Variants in USP3 observed in about 807,000 individuals in gnomAD.
USP3 encodes ubiquitin specific peptidase 3, also known as ubiquitin carboxyl-terminal hydrolase 3.
A neutral mutation model predicts 72.3 loss-of-function variants in USP3; 20 were observed. The observed-to-expected ratio is 0.28, with a 90% CI of 0.19 to 0.40. The LOEUF is 0.40. Ranked by LOEUF, USP3 falls within the 10% of genes least tolerant of loss-of-function variation. The probability of loss-of-function intolerance (pLI) is 1.00; values close to 1 mark genes in which losing one functional copy is unlikely to be tolerated. For synonymous variants in USP3, 222 were observed against 225.3 expected, an observed-to-expected ratio of 0.99 and a Z score of 0.13; for missense variants, 479 against 633.9, an observed-to-expected ratio of 0.76 and a Z score of 2.62.
intron 4 of USP3, among the ~76,000 whole-genome samples, chr15:63,554,280 C>T (rs1398916166): frequency 6.6e-6 from 1 of 152,172 alleles, no homozygotes; most frequent in Non-Finnish European, 1.5e-5. Context: ...ATCCTAGTTT[C>T]TTCCTTGCTT....
At chr15:63,586,443 C>T (rs941646529) in intron 11 of USP3, among the ~76,000 whole-genome samples, 2 of 152,220 alleles carry the variant, frequency 1.3e-5, no homozygotes, top group South Asian at 2.1e-4. Flanking sequence ...CCGCTGTCCC[C>T]GCCAAGGCCA....
Position 63,588,661 on chromosome 15 carries a change from A to T in USP3, c.1216-41A>T, listed in dbSNP as rs1354796208. On this transcript the variant is annotated intron_variant, in intron 12 of 14. Coordinates refer to ENST00000380324, the MANE Select transcript of USP3 (RefSeq NM_006537.4). This position sits in a 1 kb window ranked among gnomAD's most constrained non-coding sequence, Gnocchi z 4.6. ...GTATCAAACTTTGACTGAAAGGTAA[A>T]TTAGGTGTTCACAATCTTTGACCGC... 1.2e-5 allele frequency: 18 copies of T among 1,450,326 alleles called. No individual in the cohort carries two copies. The highest frequency in any genetic ancestry group is 1.7e-5 in the Non-Finnish European group (18 of 1,039,308). 89.8% of individuals were successfully genotyped at this position (1,450,326 alleles called of 1,614,324 possible). A position where few individuals can be genotyped will look rare whatever the true frequency, so the allele number is the denominator to read the frequency against.
In USP3 at chr15:63,544,850, A is replaced by G; in HGVS notation, c.284+7694A>G. 1.6e-6 allele frequency: 1 copy of G among 641,108 alleles called. No individual in the cohort carries two copies. Among genetic ancestry groups the G allele is most frequent in the Non-Finnish European group, 2.8e-6 (1 of 357,348 alleles). 39.7% of individuals were successfully genotyped at this position (641,108 alleles called of 1,614,324 possible). The stretch of plus-strand genomic sequence containing the variant: ...AGATAAGAATATCTAAGCAAGGCTG[A>G]CATTGTGGGGACCATCAAATACTAT... On this transcript the variant is annotated intron_variant, in intron 3 of 14. Coordinates refer to ENST00000380324, the MANE Select transcript of USP3 (RefSeq NM_006537.4). The surrounding 1 kb of genome is among the most constrained non-coding windows in gnomAD (Gnocchi z 4.2).
At chr15:63,585,844 C>G (rs1452807101) in intron 11 of USP3, among the ~76,000 whole-genome samples, 2 of 71,850 alleles carry the variant, frequency 2.8e-5, no homozygotes, top group African/African-American at 1.1e-4. Flanking sequence ...CAATTTTGTT[C>G]TTCTTCAATG....
At chr15:63,511,239 T>C (rs941415018) in intron 1 of USP3, among the ~76,000 whole-genome samples, 2 of 116,152 alleles carry the variant, frequency 1.7e-5, no homozygotes, top group East Asian at 2.9e-4. Flanking sequence ...ACTCTAACAC[T>C]GTTCAGACTT....
intron 7 of USP3, among the ~76,000 whole-genome samples, chr15:63,562,628 CG>C (rs1462429910): frequency 6.6e-6 from 1 of 152,150 alleles, no homozygotes; most frequent in East Asian, 1.9e-4. Context: ...GGTTTGCTTG[CG>C]TGTTTTAACT....
At chr15:63,578,296 T>G (rs1182354031) in intron 11 of USP3, among the ~76,000 whole-genome samples, 1 of 148,850 alleles carries the variant, frequency 6.7e-6, no homozygotes, top group Non-Finnish European at 1.5e-5. Flanking sequence ...AAGAAAAAAC[T>G]TTTATTAGGA....
chr15:63,590,603 T>A (rs576108737), intron 14 of USP3, 58 bp from the exon 15 acceptor site: 1 of 1,437,576 alleles, frequency 7.0e-7, no homozygotes, highest in East Asian at 2.5e-5. Context: ...TATATAGTTG[T>A]ACAGGTCTTT....
At chr15:63,506,465 C>A (rs1022023898) in intron 1 of USP3, among the ~76,000 whole-genome samples, 2 of 151,946 alleles carry the variant, frequency 1.3e-5, no homozygotes, top group Admixed American at 1.3e-4. Flanking sequence ...TACAGAAAGA[C>A]AACATGGACA....
At chr15:63,549,603 T>G (rs1328182693) in intron 3 of USP3, among the ~76,000 whole-genome samples, 3 of 152,242 alleles carry the variant, frequency 2.0e-5, no homozygotes, top group Non-Finnish European at 2.9e-5. Flanking sequence ...TTAATTCATG[T>G]TGAAAAATGT....
rs755708150 is a variant in USP3, at chr15:63,588,933, T to A, written c.1330-11T>A. On this transcript the variant is annotated splice_polypyrimidine_tract_variant and intron_variant, in intron 13 of 14. Transcript: ENST00000380324. This position sits in a 1 kb window ranked among gnomAD's most constrained non-coding sequence, Gnocchi z 4.6. ...GTCATTGACCACTGCTCCTTCTTCCTTGTTCTGTAGCCTGAGAACAGTGGC... is the reference window on the plus strand; with the variant it reads ...GTCATTGACCACTGCTCCTTCTTCCATGTTCTGTAGCCTGAGAACAGTGGC... 1.2e-6 allele frequency: 2 copies of A among 1,614,184 alleles called. No homozygotes were observed. The highest frequency in any genetic ancestry group is 4.5e-5 in the East Asian group (2 of 44,878).
chr15:63,573,747 CAG>C (rs1474127910), intron 9 of USP3, among the ~76,000 whole-genome samples: 1 of 152,082 alleles, frequency 6.6e-6, no homozygotes, highest in African/African-American at 2.4e-5. Flanking sequence ...TTGCCCTGTG[CAG>C]AGTCATGCAT....
chr15:63,543,157 A>C (rs1051132016), intron 3 of USP3, among the ~76,000 whole-genome samples: 6 of 152,234 alleles, frequency 3.9e-5, no homozygotes, highest in Non-Finnish European at 7.3e-5. Context: ...AGAAAGGTAC[A>C]GAGTGAAGGT....
rs865988096 is a variant in USP3, at chr15:63,532,815, A to G, written c.152+108A>G. ...TGGATTTAGTACCATTGTTAATCATAATGCATAATTCCCTGTAGGGCTTCC... is the reference window on the plus strand; with the variant it reads ...TGGATTTAGTACCATTGTTAATCATGATGCATAATTCCCTGTAGGGCTTCC... On this transcript the variant is annotated intron_variant, in intron 2 of 14. Transcript: ENST00000380324. 2.2e-5 allele frequency: 26 copies of G among 1,178,346 alleles called. No individual in the cohort carries two copies. In the Middle Eastern group the frequency reaches 1.4e-3, roughly 62 times the overall value. 73.0% of individuals were successfully genotyped at this position (1,178,346 alleles called of 1,614,324 possible). A position where few individuals can be genotyped will look rare whatever the true frequency, so the allele number is the denominator to read the frequency against.
rs763688428 is a variant in USP3 at position 63,589,010 on chromosome 15, G to C, written c.1396G>C (p.Gly466Arg). The part of the protein sequence containing the change: ...LAAVVVHHGS[G>R]VGSGHYTAYA... ...CGCTGTGGTGGTGCACCATGGTTCC[G>C]GGTGAGTACAACAGCCAGCTTCTGG... is the stretch of plus-strand genomic sequence containing the variant. Residue 466 changes from glycine to arginine, a missense_variant and splice_region_variant, in exon 14 of 15, where the codon GGG (glycine) becomes CGG (arginine). Transcript: ENST00000380324. The C allele has an allele frequency of 6.2e-7, 1 of 1,613,252 alleles. No homozygotes were observed. The highest frequency in any genetic ancestry group is 1.1e-5 in the South Asian group (1 of 91,032).
chr15:63,537,266 A>G (rs1420495248), intron 3 of USP3, 110 bp downstream of exon 3: 13 of 1,274,486 alleles, frequency 1.0e-5, no homozygotes, highest in East Asian at 5.3e-5. Flanking sequence ...ACCTCCTTTT[A>G]CAACTGTTAG....
At chr15:63,561,176 C>T (rs1194930720) in intron 7 of USP3, among the ~76,000 whole-genome samples, 2 of 151,980 alleles carry the variant, frequency 1.3e-5, no homozygotes, top group Non-Finnish European at 2.9e-5. Context: ...TTGCACTCTA[C>T]AGTAATCAGG....
Position 63,588,668 on chromosome 15 carries a change from G to T in USP3, c.1216-34G>T, listed in dbSNP as rs759982618. ...ACTTTGACTGAAAGGTAAATTAGGT[G>T]TTCACAATCTTTGACCGCATCTCTG... is the stretch of plus-strand genomic sequence containing the variant. On this transcript the variant is annotated intron_variant, in intron 12 of 14. Transcript: ENST00000380324. The surrounding 1 kb of genome is among the most constrained non-coding windows in gnomAD (Gnocchi z 4.6). 1 of 1,502,072 alleles carries T rather than the reference G, an allele frequency of 6.7e-7. No homozygotes were observed. The highest frequency in any genetic ancestry group is 9.2e-7 in the Non-Finnish European group (1 of 1,084,012). 93.0% of individuals were successfully genotyped at this position (1,502,072 alleles called of 1,614,324 possible).
At chr15:63,518,128 G>C (rs1012594418) in intron 1 of USP3, among the ~76,000 whole-genome samples, 2 of 152,100 alleles carry the variant, frequency 1.3e-5, no homozygotes, top group Non-Finnish European at 1.5e-5. Flanking sequence ...GATCTTATTA[G>C]TTACTCAGAG....
Sources: gnomAD v4.1 joint callset for allele counts (sites outside exome capture counted in the v4.1 genomes callset) on GRCh38, gnomAD v4.1.1 for gene constraint, Gnocchi (gnomAD v3.1) non-coding constraint, MANE v1.5 for transcripts, NCBI Gene and HGNC (gene_info 2026-07-23, HGNC 2026-07-21) for gene names.